The following SND1 variants were observed in gnomAD, a reference collection of about 807,000 sequenced individuals.
SND1 encodes staphylococcal nuclease and tudor domain containing 1, also known as staphylococcal nuclease domain-containing protein 1.
Under a neutral mutation model 121.7 loss-of-function variants are expected in SND1, and 38 were observed. The ratio of observed to expected loss-of-function variants is 0.31; its 90% CI spans 0.24 to 0.41. SND1 has a LOEUF of 0.41. Ranked by LOEUF, SND1 falls within the 10% of genes least tolerant of loss-of-function variation. The pLI is 1.00. For synonymous variants in SND1, 401 were observed against 447.4 expected, an observed-to-expected ratio of 0.90 and a Z score of 1.31; for missense variants, 868 against 1,184.6, an observed-to-expected ratio of 0.73 and a Z score of 3.92.
At chr7:127,973,263 G>C (rs1231622497) in intron 15 of SND1, among the ~76,000 whole-genome samples, 1 of 152,192 alleles carries the variant, frequency 6.6e-6, no homozygotes, top group African/African-American at 2.4e-5. Flanking sequence ...AGTGTTTGCA[G>C]GTCCAGATGA....
intron 10 of SND1, among the ~76,000 whole-genome samples, chr7:127,745,257 G>A (rs752532052): frequency 5.9e-5 from 9 of 152,190 alleles, no homozygotes; most frequent in African/African-American, 9.7e-5. Flanking sequence ...CTGTAAACCT[G>A]TACAGCATGT....
intron 11 of SND1, among the ~76,000 whole-genome samples, chr7:127,818,562 A>G (rs774023422): frequency 6.6e-6 from 1 of 152,102 alleles, no homozygotes; most frequent in Non-Finnish European, 1.5e-5. Context: ...TAATGTTCCT[A>G]TTCCCCAGTA....
intron 15 of SND1, among the ~76,000 whole-genome samples, chr7:127,978,922 G>C (rs1305003123): frequency 6.6e-6 from 1 of 151,926 alleles, no homozygotes; most frequent in Non-Finnish European, 1.5e-5. Context: ...CCTGACCTCA[G>C]GTGATCCACC....
At chr7:127,946,477 G>A (rs1801333271) in intron 15 of SND1, among the ~76,000 whole-genome samples, 1 of 152,196 alleles carries the variant, frequency 6.6e-6, no homozygotes, top group South Asian at 2.1e-4. Flanking sequence ...GTATAGCTTA[G>A]AGAGTGCAAG....
chr7:128,035,736 A>G (rs549275851), intron 16 of SND1, among the ~76,000 whole-genome samples: 1 of 152,368 alleles, frequency 6.6e-6, no homozygotes, highest in Non-Finnish European at 1.5e-5. Flanking sequence ...AAGAGTCTTC[A>G]ATAGCACCAG....
chr7:127,911,221 T>G (rs753893646), intron 14 of SND1, among the ~76,000 whole-genome samples: 6 of 152,378 alleles, frequency 3.9e-5, no homozygotes, highest in Admixed American at 6.5e-5. Context: ...GTGACTGGCT[T>G]GGATCCTCAC....
chr7:127,707,777 G>A (rs1796227407), intron 9 of SND1, 130 bp downstream of exon 9: 3 of 502,400 alleles, frequency 6.0e-6, no homozygotes, highest in Admixed American at 3.3e-5. Flanking sequence ...GTGTGTGTGT[G>A]TGTGTGTGTG....
chr7:127,847,903 G>A (rs1799096183), intron 12 of SND1, among the ~76,000 whole-genome samples: 1 of 152,212 alleles, frequency 6.6e-6, no homozygotes, highest in Non-Finnish European at 1.5e-5. Context: ...GTTATTTGGT[G>A]TGCAGAAGTG....
chr7:127,881,060 A>G (rs1799780113), intron 12 of SND1, among the ~76,000 whole-genome samples: 1 of 152,106 alleles, frequency 6.6e-6, no homozygotes, highest in African/African-American at 2.4e-5. Flanking sequence ...TATAGTTCTG[A>G]GGGCAGCTCT....
chr7:127,896,127 G>A (rs1323213692), intron 13 of SND1, among the ~76,000 whole-genome samples: 1 of 152,006 alleles, frequency 6.6e-6, no homozygotes, highest in Non-Finnish European at 1.5e-5. Context: ...CATTGTTCTA[G>A]GCTAAACTTC....
chr7:127,837,323 A>C (rs1315385786), intron 11 of SND1, among the ~76,000 whole-genome samples: 1 of 152,234 alleles, frequency 6.6e-6, no homozygotes, highest in Non-Finnish European at 1.5e-5. Context: ...ATTTAATACA[A>C]AAAAAGATCT....
chr7:128,068,657 C>T (rs958592558), intron 16 of SND1, among the ~76,000 whole-genome samples: 1 of 152,284 alleles, frequency 6.6e-6, no homozygotes, highest in East Asian at 1.9e-4. Context: ...CCCCTTCCTC[C>T]ATGTTTGATT....
chr7:128,039,081 T>C (rs1025751554), intron 16 of SND1, among the ~76,000 whole-genome samples: 5 of 152,216 alleles, frequency 3.3e-5, no homozygotes, highest in African/African-American at 1.2e-4. Context: ...TCAGCTACAC[T>C]GAATTTCTTT....
At chr7:127,661,172 G>T (rs886762475) in intron 1 of SND1, among the ~76,000 whole-genome samples, 54 of 152,258 alleles carry the variant, frequency 3.5e-4, no homozygotes, top group African/African-American at 1.1e-3. Flanking sequence ...AGGACGCTTT[G>T]TTTTTAATTT....
rs574008295 is a variant in SND1 at position 128,006,286 on chromosome 7, T to G, written c.1779+15230T>G. ...GCCTCACTGGGAACAGTATCTTGAC[T>G]TTCACTTGGAAAAGGTAATGGTGGA... On this transcript the variant is annotated intron_variant, in intron 16 of 23. Coordinates refer to ENST00000354725, the MANE Select transcript of SND1 (RefSeq NM_014390.4). 9.2e-4 allele frequency among the ~76,000 whole-genome samples: 140 copies of G among 152,228 alleles called. 1 individual carries two copies. Among genetic ancestry groups the G allele is most frequent in the Non-Finnish European group, 1.3e-3 (87 of 68,016 alleles).
intron 10 of SND1, among the ~76,000 whole-genome samples, chr7:127,731,199 C>G (rs1796669851): frequency 6.6e-6 from 1 of 152,246 alleles, no homozygotes; most frequent in African/African-American, 2.4e-5. Context: ...GTTGGACCCC[C>G]TTTCCTCTAC....
intron 15 of SND1, among the ~76,000 whole-genome samples, chr7:127,983,737 T>C (rs963431579): frequency 1.3e-5 from 2 of 152,286 alleles, no homozygotes; most frequent in South Asian, 2.1e-4. Context: ...TGCCTAAATA[T>C]ATAAAATGAA....
chr7:127,783,852 T>G (rs966430455), intron 10 of SND1, among the ~76,000 whole-genome samples: 1 of 152,212 alleles, frequency 6.6e-6, no homozygotes, highest in Non-Finnish European at 1.5e-5. Context: ...TGGTTTAGAC[T>G]TGGATAATTA....
chr7:128,087,776 T>A (rs1793710056), intron 21 of SND1, among the ~76,000 whole-genome samples: 1 of 151,836 alleles, frequency 6.6e-6, no homozygotes, highest in Admixed American at 6.6e-5. Context: ...GAGAGAGTGT[T>A]AGGAAGTGCT....
Sources: allele counts gnomAD v4.1 joint callset (sites outside exome capture counted in the v4.1 genomes callset), GRCh38; gene constraint gnomAD v4.1.1; transcripts MANE v1.5; gene names NCBI Gene and HGNC (gene_info 2026-07-23, HGNC 2026-07-21).